AK9: variants seen among roughly 807,000 people sequenced by gnomAD.
AK9 encodes the protein adenylate kinase 9, also known as adenylate kinase domain containing 1.
AK9 carries 191 observed loss-of-function variants against 239.6 expected under a neutral mutation model. That is an observed-to-expected ratio of 0.80 (90% CI 0.71 to 0.90). The LOEUF (loss-of-function observed/expected upper bound fraction) is 0.90, where lower values mean the gene tolerates loss of function less well. Ranked by LOEUF, AK9 falls within the 40% of genes least tolerant of loss-of-function variation. The pLI, the probability that AK9 is intolerant of heterozygous loss-of-function variation, is 0.00. For missense variants in AK9, 1,995 were observed against 2,214.7 expected, an observed-to-expected ratio of 0.90 and a Z score of 1.99; for synonymous variants, 689 against 721.0, an observed-to-expected ratio of 0.96 and a Z score of 0.71.
At chr6:109,622,683 G>T (rs1795026839) in intron 12 of AK9, among the ~76,000 whole-genome samples, 2 of 147,890 alleles carry the variant, frequency 1.4e-5, no homozygotes, top group South Asian at 2.1e-4. Flanking sequence ...TATGATATAT[G>T]ATAATATGTA....
chr6:109,627,423 T>C (rs1367879671), intron 12 of AK9, among the ~76,000 whole-genome samples: 5 of 152,214 alleles, frequency 3.3e-5, no homozygotes, highest in African/African-American at 1.2e-4. Flanking sequence ...TTGTTTTTTA[T>C]TGTCATCAAG....
intron 17 of AK9, among the ~76,000 whole-genome samples, chr6:109,589,699 T>G (rs1025792474): frequency 1.3e-5 from 2 of 152,164 alleles, no homozygotes; most frequent in African/African-American, 4.8e-5. Flanking sequence ...TGGCAGTGGG[T>G]TTGTTATATA....
intron 17 of AK9, among the ~76,000 whole-genome samples, chr6:109,603,655 G>T (rs979264500): frequency 5.3e-5 from 8 of 152,208 alleles, no homozygotes; most frequent in East Asian, 1.9e-4. Context: ...GTTTGGCTAT[G>T]CCCTGCCCCC....
At chr6:109,681,085 TCA>T (rs1215797615) in intron 1 of AK9, among the ~76,000 whole-genome samples, 1 of 152,120 alleles carries the variant, frequency 6.6e-6, no homozygotes, top group Non-Finnish European at 1.5e-5. Flanking sequence ...AGGATCAAAT[TCA>T]CACATAACAA....
chr6:109,622,318 C>CAT (rs1201391819), intron 12 of AK9, among the ~76,000 whole-genome samples: 4 of 142,088 alleles, frequency 2.8e-5, no homozygotes, highest in Non-Finnish European at 6.0e-5. Flanking sequence ...CATACATGTA[C>CAT]ATATATGTAT....
intron 29 of AK9, among the ~76,000 whole-genome samples, chr6:109,521,201 T>C (rs922391997): frequency 1.3e-5 from 2 of 152,108 alleles, no homozygotes; most frequent in African/African-American, 2.4e-5. Flanking sequence ...GTTTTTTCTA[T>C]AGAAACCAGT....
chr6:109,593,514 C>T (rs140043017), intron 17 of AK9, among the ~76,000 whole-genome samples: 4,384 of 151,984 alleles, frequency 0.029, 99 homozygotes, highest in East Asian at 0.11. Flanking sequence ...ACTCATTTCA[C>T]GAGGCCAGCA....
At chr6:109,514,160 A>G (rs1026208039) in intron 32 of AK9, 64 bp downstream of exon 32, 14 of 1,423,014 alleles carry the variant, frequency 9.8e-6, no homozygotes, top group Non-Finnish European at 1.9e-6. Context: ...TTGACCTGCC[A>G]TGTGCATTGG....
At position 109,604,338 on chromosome 6, in the gene AK9, A is replaced by G. The variant is rs1266676087; in HGVS notation, c.1842+6027T>C. ...GACCATTCCAAATTATTTCAATGTT[A>G]ATACACTTTCTACTAGTTTAAATAA... On this transcript the variant is annotated intron_variant, in intron 17 of 40. Transcript: ENST00000424296. Among the ~76,000 whole-genome samples the G allele has an allele frequency of 2.0e-5, 3 of 152,222 alleles. No individual in the cohort carries two copies. In the South Asian group the frequency reaches 6.2e-4, roughly 32 times the overall value.
At chr6:109,498,027 G>A in intron 36 of AK9, 62 bp from the exon 37 acceptor site, 1 of 1,545,102 alleles carries the variant, frequency 6.5e-7, no homozygotes, top group Non-Finnish European at 8.9e-7. Flanking sequence ...CCAATCAGAA[G>A]GCCACCGAGG....
At chr6:109,683,867 C>A (rs942831923) in intron 1 of AK9, among the ~76,000 whole-genome samples, 1 of 152,184 alleles carries the variant, frequency 6.6e-6, no homozygotes, top group Non-Finnish European at 1.5e-5. Flanking sequence ...CAAGCTACCA[C>A]TGACTTTCTT....
In AK9 at chr6:109,494,346, A is replaced by AT. The variant is rs1222501335; in HGVS notation, c.5419-252dup. On this transcript the variant is annotated intron_variant, in intron 39 of 40. Transcript: ENST00000424296. ...AGTGATGGATAGGAGTATGGGCTTC[A>AT]TTACACAAGTCTCTCTATTTTTATA... 4 of 361,752 alleles carry AT rather than the reference A, an allele frequency of 1.1e-5. No homozygotes were observed. The Admixed American group carries it at 1.7e-4, about 15-fold the overall frequency. 22.4% of individuals were successfully genotyped at this position (361,752 alleles called of 1,614,324 possible).
Position 109,550,296 on chromosome 6 carries a change from C to G in AK9, c.2758G>C (p.Asp920His). 1 of 1,608,940 alleles carries G rather than the reference C, an allele frequency of 6.2e-7. No individual in the cohort carries two copies. Residue 920 changes from aspartate to histidine, a missense_variant, in exon 25 of 41, where the codon GAT becomes CAT. Coordinates refer to ENST00000424296, the MANE Select transcript of AK9 (RefSeq NM_001145128.3). The stretch of plus-strand genomic sequence containing the variant: ...TGCCTCTTTCTCTCCTTCATTTTAT[C>G]TTCACCCTAGAAACGGTATTCAAAG... ...LEEEEEEEGE[D>H]KMKERKRHLG...
At chr6:109,605,825 C>T (rs1396935728) in intron 17 of AK9, among the ~76,000 whole-genome samples, 1 of 152,068 alleles carries the variant, frequency 6.6e-6, no homozygotes, top group Non-Finnish European at 1.5e-5. Context: ...TGGGAATATA[C>T]TGAGGTGATT....
At chr6:109,626,764 C>G (rs1201472657) in intron 12 of AK9, among the ~76,000 whole-genome samples, 2 of 152,124 alleles carry the variant, frequency 1.3e-5, no homozygotes, top group African/African-American at 4.8e-5. Context: ...ATGGCATAAA[C>G]ATTTTTTAAA....
chr6:109,641,515 T>C lies in AK9; in HGVS notation c.933+3A>G, dbSNP rs1437192700. 1.2e-6 allele frequency: 2 copies of C among 1,608,418 alleles called. No individual in the cohort carries two copies. Among genetic ancestry groups the C allele is most frequent in the Non-Finnish European group, 1.7e-6 (2 of 1,175,080 alleles). On this transcript the variant is annotated splice_donor_region_variant and intron_variant, in intron 10 of 40. Coordinates refer to ENST00000424296, the MANE Select transcript of AK9 (RefSeq NM_001145128.3). ...GACTTTCAGACAGTTCCATATAACT[T>C]ACATTTTCCATTGTGTCATTAATTT...
chr6:109,691,159 C>T lies in AK9; in HGVS notation c.-24G>A, dbSNP rs1774344270. 6 of 567,028 alleles carry T rather than the reference C, an allele frequency of 1.1e-5. 1 individual carries two copies. Among genetic ancestry groups the T allele is most frequent in the East Asian group, 5.8e-5 (2 of 34,732 alleles). 35.1% of individuals were successfully genotyped at this position (567,028 alleles called of 1,614,324 possible). On this transcript the variant is annotated 5_prime_UTR_variant, in exon 1 of 41. Transcript: ENST00000424296. ...CTCCAATCCTTACCAAAGATGGTGC[C>T]CTTCGCTTCCTCTCTCGGCAGCACG...
At chr6:109,576,294 C>A (rs1788063104) in intron 20 of AK9, among the ~76,000 whole-genome samples, 1 of 151,570 alleles carries the variant, frequency 6.6e-6, no homozygotes, top group African/African-American at 2.4e-5. Context: ...ATGGATTCTA[C>A]CCATCCATGA....
chr6:109,549,277 A>G (rs1436066365), intron 25 of AK9, among the ~76,000 whole-genome samples: 1 of 152,176 alleles, frequency 6.6e-6, no homozygotes. Context: ...AACTCAACCA[A>G]TCAGGATGGA....
Sources: allele counts gnomAD v4.1 joint callset (sites outside exome capture counted in the v4.1 genomes callset), GRCh38; gene constraint gnomAD v4.1.1; transcripts MANE v1.5; gene names NCBI Gene and HGNC (gene_info 2026-07-23, HGNC 2026-07-21).